KATNAL1: variants seen among roughly 807,000 people sequenced by gnomAD.
The protein encoded by KATNAL1 is katanin p60 ATPase-containing subunit A-like 1.
Under a neutral mutation model 55.2 loss-of-function variants are expected in KATNAL1, and 32 were observed. The ratio of observed to expected loss-of-function variants is 0.58; its 90% CI spans 0.44 to 0.78. The LOEUF (loss-of-function observed/expected upper bound fraction) is 0.78. Among genes scored for constraint, KATNAL1 ranks in the 30% least tolerant of loss-of-function variants. The pLI is 0.00. For missense variants in KATNAL1, 466 were observed against 600.9 expected (o/e 0.78, Z 2.35); for synonymous variants, 193 against 193.6 (o/e 1.00, Z 0.02).
At chr13:30,278,332 T>C (rs1881021464) in intron 3 of KATNAL1, among the ~76,000 whole-genome samples, 1 of 152,080 alleles carries the variant, frequency 6.6e-6, no homozygotes. Context: ...TTTAAAAATT[T>C]AGTACAAAGA....
intron 1 of KATNAL1, among the ~76,000 whole-genome samples, chr13:30,305,066 T>A (rs1458904450): frequency 6.6e-6 from 1 of 152,244 alleles, no homozygotes; most frequent in Non-Finnish European, 1.5e-5. Context: ...GCTTTTCTAC[T>A]ACCTGTAATG....
intron 3 of KATNAL1, among the ~76,000 whole-genome samples, chr13:30,258,121 G>A (rs1878942084): frequency 6.6e-6 from 1 of 152,194 alleles, no homozygotes; most frequent in South Asian, 2.1e-4. Context: ...CAAACAGACT[G>A]ACACAGTACT....
intron 3 of KATNAL1, among the ~76,000 whole-genome samples, chr13:30,262,832 C>T (rs1879420428): frequency 6.6e-6 from 1 of 151,696 alleles, no homozygotes; most frequent in African/African-American, 2.4e-5. Context: ...CTATTCCAAT[C>T]AATAGAAAAA....
chr13:30,282,841 G>A (rs572211330), intron 2 of KATNAL1, among the ~76,000 whole-genome samples: 1 of 151,230 alleles, frequency 6.6e-6, no homozygotes, highest in South Asian at 2.1e-4. Flanking sequence ...TGTAGTCCCA[G>A]CTACTCGGGA....
At chr13:30,283,266 C>CAAAAA (rs35463025) in intron 2 of KATNAL1, among the ~76,000 whole-genome samples, 367 of 34,806 alleles carry the variant, frequency 0.011, 21 homozygotes, top group Non-Finnish European at 0.014. Context: ...GACTCTGTCT[C>CAAAAA]AAAAAAAAAA....
chr13:30,268,055 G>A (rs1440124918), intron 3 of KATNAL1, among the ~76,000 whole-genome samples: 1 of 152,154 alleles, frequency 6.6e-6, no homozygotes, highest in Admixed American at 6.5e-5. Context: ...GGAGTGAAGC[G>A]AAAGTGCCCC....
At chr13:30,303,065 C>A (rs1356166250) in intron 1 of KATNAL1, among the ~76,000 whole-genome samples, 1 of 152,146 alleles carries the variant, frequency 6.6e-6, no homozygotes, top group East Asian at 1.9e-4. Context: ...AGATTTCAAA[C>A]CAAAGCTCAC....
rs979580603 is a variant in KATNAL1 at position 30,256,812 on chromosome 13, T to A, written c.324-1197A>T. 5.9e-5 allele frequency among the ~76,000 whole-genome samples: 9 copies of A among 152,190 alleles called. No individual in the cohort carries two copies. In the East Asian group the frequency reaches 1.3e-3, roughly 23 times the overall value. ...CTAGAAGGCCGGCAAAAACCGTATG[T>A]CTATCTATGAGGTAAACATACACTG... is the stretch of plus-strand genomic sequence containing the variant. On this transcript the variant is annotated intron_variant, in intron 3 of 10. Transcript: ENST00000380615.
intron 4 of KATNAL1, among the ~76,000 whole-genome samples, chr13:30,243,526 A>AC (rs1251122162): frequency 2.0e-5 from 3 of 151,496 alleles, no homozygotes; most frequent in African/African-American, 7.3e-5. Flanking sequence ...ATGGAGGAAG[A>AC]CCAAGGAAAC....
At chr13:30,257,238 G>A (rs1236316798) in intron 3 of KATNAL1, among the ~76,000 whole-genome samples, 5 of 150,890 alleles carry the variant, frequency 3.3e-5, no homozygotes, top group Non-Finnish European at 5.9e-5. Context: ...ACTTTTATTT[G>A]TATACACTTG....
intron 1 of KATNAL1, among the ~76,000 whole-genome samples, chr13:30,300,003 T>C (rs1041660233): frequency 6.6e-6 from 1 of 151,980 alleles, no homozygotes; most frequent in Non-Finnish European, 1.5e-5. Flanking sequence ...ACACATTCTC[T>C]CCCAACATAC....
intron 6 of KATNAL1, among the ~76,000 whole-genome samples, chr13:30,234,972 G>A (rs185924422): frequency 2.0e-5 from 3 of 152,258 alleles, no homozygotes; most frequent in African/African-American, 4.8e-5. Flanking sequence ...ACTCAGGATG[G>A]GGGATGACCA....
In KATNAL1 at chr13:30,274,893, GCGCGCGCGCGCGCGCACACA is replaced by G. The variant is rs1566122309; in HGVS notation, c.323+5150_323+5169del. On this transcript the variant is annotated intron_variant, in intron 3 of 10. Coordinates refer to ENST00000380615, the MANE Select transcript of KATNAL1 (RefSeq NM_032116.5). ...GGGCGGGGTGTGTGCACACACATAC[GCGCGCGCGCGCGCGCACACA>G]CACACACACACACACACACACACAC... Among the ~76,000 whole-genome samples, 683 of 100,916 alleles carry G rather than the reference GCGCGCGCGCGCGCGCACACA, an allele frequency of 6.8e-3. 3 individuals carry two copies. The highest frequency in any genetic ancestry group is 0.023 in the African/African-American group (510 of 22,420). The allele number at this position is 100,916 out of a possible 152,430, so 66.2% of individuals were successfully genotyped here. A position where few individuals can be genotyped will look rare whatever the true frequency, so the allele number is the denominator to read the frequency against.
chr13:30,279,552 C>A (rs564455139), intron 3 of KATNAL1, among the ~76,000 whole-genome samples: 1 of 152,258 alleles, frequency 6.6e-6, no homozygotes, highest in South Asian at 2.1e-4. Flanking sequence ...GTAAATGATG[C>A]ACAGGCTGGG....
intron 9 of KATNAL1, among the ~76,000 whole-genome samples, chr13:30,223,583 G>A (rs191379832): frequency 3.0e-3 from 449 of 151,958 alleles, no homozygotes; most frequent in Non-Finnish European, 3.0e-3. Flanking sequence ...AGTCAAAGCA[G>A]ATACCAAGTC....
intron 5 of KATNAL1, 134 bp downstream of exon 5, chr13:30,240,825 G>T: frequency 1.1e-6 from 1 of 871,900 alleles, no homozygotes; most frequent in Non-Finnish European, 1.7e-6. Flanking sequence ...GAACTGTCTC[G>T]TCAATTCTAT....
rs964030070 is a variant in KATNAL1 at position 30,203,814 on chromosome 13, A to G, written c.*4726T>C. ...TAATGAGGTGAATGTTTAAAAATATATCTATTATCCTAATAATTTGATTAT... is the reference window on the plus strand; with the variant it reads ...TAATGAGGTGAATGTTTAAAAATATGTCTATTATCCTAATAATTTGATTAT... On this transcript the variant is annotated 3_prime_UTR_variant, in exon 11 of 11. Coordinates refer to ENST00000380615, the MANE Select transcript of KATNAL1 (RefSeq NM_032116.5). 5 of 152,220 alleles carry G rather than the reference A, an allele frequency of 3.3e-5. No homozygotes were observed. Among genetic ancestry groups the G allele is most frequent in the Non-Finnish European group, 1.5e-5 (1 of 68,036 alleles). 9.4% of individuals were successfully genotyped at this position (152,220 alleles called of 1,614,324 possible).
rs182427908 is a variant in KATNAL1 at position 30,220,546 on chromosome 13, G to A, written c.1147+6866C>T. On this transcript the variant is annotated intron_variant, in intron 9 of 10. Transcript: ENST00000380615. ...ATCACAAATAAGGAAAAAAACGCTC[G>A]AATTTCAACTTGTGTATGAGCCAGG... 3.9e-5 allele frequency among the ~76,000 whole-genome samples: 6 copies of A among 152,220 alleles called. No homozygotes were observed. In the East Asian group the frequency reaches 7.7e-4, roughly 20 times the overall value.
chr13:30,213,853 A>G (rs1873936516), intron 9 of KATNAL1, among the ~76,000 whole-genome samples: 2 of 152,224 alleles, frequency 1.3e-5, no homozygotes, highest in South Asian at 4.1e-4. Flanking sequence ...ATTCCCTTTG[A>G]AAACGGGCAC....
Sources: gnomAD v4.1 joint callset for allele counts (sites outside exome capture counted in the v4.1 genomes callset) on GRCh38, gnomAD v4.1.1 for gene constraint, MANE v1.5 for transcripts, NCBI Gene and HGNC (gene_info 2026-07-23, HGNC 2026-07-21) for gene names.